THADA: variants seen among roughly 807,000 people sequenced by gnomAD.
The protein encoded by THADA is tRNA (32-2'-O)-methyltransferase regulator THADA.
Under a neutral mutation model 219.8 loss-of-function variants are expected in THADA, and 213 were observed. That is an observed-to-expected ratio of 0.97 (90% CI 0.87 to 1.09). The LOEUF (loss-of-function observed/expected upper bound fraction) is 1.09, where lower values mean the gene tolerates loss of function less well. Ranked by LOEUF, THADA falls within the 50% of genes least tolerant of loss-of-function variation. THADA has a pLI of 0.00. For synonymous variants in THADA, 1,018 were observed against 828.9 expected, an observed-to-expected ratio of 1.23 and a Z score of -3.92; for missense variants, 2,956 against 2,311.3, an observed-to-expected ratio of 1.28 and a Z score of -5.72.
intron 26 of THADA, among the ~76,000 whole-genome samples, chr2:43,483,374 A>C (rs1163099721): frequency 2.0e-5 from 3 of 152,238 alleles, no homozygotes; most frequent in Non-Finnish European, 2.9e-5. Context: ...CATCACAAGC[A>C]ACTGCAAATT....
At chr2:43,291,829 C>T (rs188336993) in intron 33 of THADA, 61 bp from the exon 34 acceptor site, 231 of 1,423,708 alleles carry the variant, frequency 1.6e-4, no homozygotes, top group African/African-American at 1.0e-3. Context: ...TTTCATACAC[C>T]GGTTTTTGCA....
chr2:43,558,283 A>G (rs1697633253), intron 16 of THADA, among the ~76,000 whole-genome samples: 1 of 152,102 alleles, frequency 6.6e-6, no homozygotes, highest in African/African-American at 2.4e-5. Flanking sequence ...TTAGCATTCA[A>G]AAACTGCTGT....
chr2:43,291,126 C>T (rs1674646429), intron 34 of THADA, among the ~76,000 whole-genome samples: 1 of 151,796 alleles, frequency 6.6e-6, no homozygotes, highest in South Asian at 2.1e-4. Flanking sequence ...GGGGAAGGTT[C>T]TGTTATCCCT....
At chr2:43,535,012 T>C (rs1006060963) in intron 21 of THADA, among the ~76,000 whole-genome samples, 7 of 152,084 alleles carry the variant, frequency 4.6e-5, no homozygotes, top group African/African-American at 1.7e-4. Context: ...CATTTGTTAT[T>C]TTTTTGTCTT....
intron 28 of THADA, among the ~76,000 whole-genome samples, chr2:43,407,118 T>A (rs1018305779): frequency 1.3e-5 from 2 of 152,146 alleles, no homozygotes; most frequent in African/African-American, 4.8e-5. Flanking sequence ...CCTTTGGTGT[T>A]GACTGCTCAA....
intron 36 of THADA, among the ~76,000 whole-genome samples, chr2:43,271,557 A>C (rs1672123705): frequency 6.6e-6 from 1 of 151,542 alleles, no homozygotes; most frequent in Non-Finnish European, 1.5e-5. Flanking sequence ...ATTATGTGCC[A>C]AGTTCTGAGA....
chr2:43,469,721 T>A (rs1004327239), intron 26 of THADA, among the ~76,000 whole-genome samples: 2 of 152,194 alleles, frequency 1.3e-5, no homozygotes, highest in African/African-American at 4.8e-5. Flanking sequence ...ATTCCCTGCA[T>A]CACTTTTTAT....
Position 43,269,208 on chromosome 2 carries a change from T to C in THADA, c.5296+10557A>G, listed in dbSNP as rs575081955. Among the ~76,000 whole-genome samples the C allele has an allele frequency of 1.0e-3, 155 of 152,330 alleles. 1 individual carries two copies. Among genetic ancestry groups the C allele is most frequent in the African/African-American group, 3.5e-3 (147 of 41,586 alleles). On this transcript the variant is annotated intron_variant, in intron 36 of 37. Coordinates refer to ENST00000405975, the MANE Select transcript of THADA (RefSeq NM_022065.5). ...ACCCTGCAGCCGCGTCAGCACCAGA[T>C]GGCCTAAGCCTCAGACTGAGGGCTT...
intron 26 of THADA, among the ~76,000 whole-genome samples, chr2:43,434,897 C>G (rs1679868153): frequency 1.3e-5 from 2 of 152,194 alleles, no homozygotes; most frequent in South Asian, 4.1e-4. Flanking sequence ...TGAAAGAGCA[C>G]TCTGTAACAC....
chr2:43,587,584 G>A (rs1030334297), intron 4 of THADA, among the ~76,000 whole-genome samples: 1 of 151,838 alleles, frequency 6.6e-6, no homozygotes, highest in South Asian at 2.1e-4. Context: ...TCCCTTTCAG[G>A]TCAATCTCAA....
At chr2:43,534,981 T>C (rs1694361840) in intron 21 of THADA, among the ~76,000 whole-genome samples, 1 of 151,378 alleles carries the variant, frequency 6.6e-6, no homozygotes, top group Non-Finnish European at 1.5e-5. Context: ...AAGAGTTCCC[T>C]TTTCTCCACA....
At chr2:43,348,707 C>T (rs771928978) in intron 29 of THADA, among the ~76,000 whole-genome samples, 1 of 152,042 alleles carries the variant, frequency 6.6e-6, no homozygotes, top group Non-Finnish European at 1.5e-5. Context: ...TTAACTTGGG[C>T]AGCTGGTGAA....
intron 7 of THADA, among the ~76,000 whole-genome samples, chr2:43,583,895 CAG>C (rs1475112996): frequency 6.6e-6 from 1 of 151,892 alleles, no homozygotes; most frequent in African/African-American, 2.4e-5. Context: ...ATATAAAAAA[CAG>C]GGCATAGTGG....
intron 36 of THADA, among the ~76,000 whole-genome samples, chr2:43,249,528 A>G (rs1669599812): frequency 6.6e-6 from 1 of 152,184 alleles, no homozygotes; most frequent in Admixed American, 6.5e-5. Context: ...CAGTGCTCCC[A>G]CAAGGCCCAA....
intron 35 of THADA, among the ~76,000 whole-genome samples, chr2:43,285,633 G>T (rs564811146): frequency 6.7e-6 from 1 of 150,232 alleles, no homozygotes; most frequent in Non-Finnish European, 1.5e-5. Context: ...GCGTGATCTC[G>T]GCTCACCGTA....
chr2:43,481,529 C>T (rs138416715), intron 26 of THADA, among the ~76,000 whole-genome samples: 31 of 152,228 alleles, frequency 2.0e-4, no homozygotes, highest in African/African-American at 7.0e-4. Context: ...TACTACTTCC[C>T]CCCAACATAT....
chr2:43,466,923 C>G (rs779974908), intron 26 of THADA, among the ~76,000 whole-genome samples: 1 of 150,110 alleles, frequency 6.7e-6, no homozygotes, highest in Non-Finnish European at 1.5e-5. Context: ...TGGCTCACGC[C>G]TGTAATCCCA....
chr2:43,329,681 T>A lies in THADA; in HGVS notation c.4344-9141A>T, dbSNP rs539654692. ...ACAAGGGCAGAAACCAAGAATAGAA[T>A]CAAGGTTTTCTAGAAAACAAATTGT... is the stretch of plus-strand genomic sequence containing the variant. On this transcript the variant is annotated intron_variant, in intron 30 of 37. Coordinates refer to ENST00000405975, the MANE Select transcript of THADA (RefSeq NM_022065.5). Among the ~76,000 whole-genome samples the A allele has an allele frequency of 3.3e-5, 5 of 152,244 alleles. No homozygotes were observed. The South Asian group carries it at 1.0e-3, about 32-fold the overall frequency.
intron 29 of THADA, among the ~76,000 whole-genome samples, chr2:43,376,220 C>G (rs1671368636): frequency 6.6e-6 from 1 of 152,190 alleles, no homozygotes; most frequent in Admixed American, 6.5e-5. Flanking sequence ...AGTCAAGACA[C>G]AAGGACACTC....
Sources: allele counts gnomAD v4.1 joint callset (sites outside exome capture counted in the v4.1 genomes callset), GRCh38; gene constraint gnomAD v4.1.1; transcripts MANE v1.5; gene names NCBI Gene and HGNC (gene_info 2026-07-23, HGNC 2026-07-21).